NRBF2: variants seen among roughly 807,000 people sequenced by gnomAD.
The protein encoded by NRBF2 is nuclear receptor binding factor 2, also known as nuclear receptor-binding factor 2.
A neutral mutation model predicts 28.5 loss-of-function variants in NRBF2; 12 were observed. The ratio of observed to expected loss-of-function variants is 0.42; its 90% CI spans 0.27 to 0.68. The LOEUF is 0.68. NRBF2 is among the 30% of genes least tolerant of loss of function. The pLI, the probability that NRBF2 is intolerant of heterozygous loss-of-function variation, is 0.24. For missense variants in NRBF2, 274 were observed against 333.5 expected, an observed-to-expected ratio of 0.82 and a Z score of 1.39; for synonymous variants, 102 against 116.5, an observed-to-expected ratio of 0.88 and a Z score of 0.80.
intron 1 of NRBF2, among the ~76,000 whole-genome samples, chr10:63,137,850 A>G (rs990846308): frequency 6.6e-6 from 1 of 152,178 alleles, no homozygotes; most frequent in Non-Finnish European, 1.5e-5. Context: ...TAATGAAAGC[A>G]CTCTGGAAAA....
At chr10:63,137,715 T>C (rs534658359) in intron 1 of NRBF2, among the ~76,000 whole-genome samples, 10 of 152,212 alleles carry the variant, frequency 6.6e-5, no homozygotes, top group Non-Finnish European at 1.0e-4. Context: ...GGAGTCCTTA[T>C]ACCTATCCCA....
intron 1 of NRBF2, among the ~76,000 whole-genome samples, chr10:63,136,593 A>G (rs535170727): frequency 6.6e-6 from 1 of 152,314 alleles, no homozygotes; most frequent in South Asian, 2.1e-4. Context: ...TTTACAGATA[A>G]ATAAGCCTAA....
intron 1 of NRBF2, among the ~76,000 whole-genome samples, chr10:63,143,071 G>C (rs1189096538): frequency 2.0e-5 from 3 of 151,960 alleles, no homozygotes; most frequent in African/African-American, 7.3e-5. Context: ...ATGAGCCACT[G>C]CGCCCAGCCT....
At chr10:63,140,551 C>G (rs961150589) in intron 1 of NRBF2, among the ~76,000 whole-genome samples, 5 of 151,960 alleles carry the variant, frequency 3.3e-5, no homozygotes, top group African/African-American at 1.2e-4. Context: ...GTAGCTGGGA[C>G]TACAGGTGTG....
At chr10:63,145,183 T>C (rs1841539978) in intron 1 of NRBF2, among the ~76,000 whole-genome samples, 1 of 146,868 alleles carries the variant, frequency 6.8e-6, no homozygotes, top group Non-Finnish European at 1.5e-5. Flanking sequence ...TCTTGCCTCA[T>C]TGCAACCTCT....
rs781293012 is a variant in NRBF2 at position 63,142,780 on chromosome 10, C to CTTTTTTTTTTTTTTTT, written c.31-3424_31-3409dup. On this transcript the variant is annotated intron_variant, in intron 1 of 3. Coordinates refer to ENST00000277746, the MANE Select transcript of NRBF2 (RefSeq NM_030759.5). ...AGTCATTTCTTTTCTTTCTTTCTTT[C>CTTTTTTTTTTTTTTTT]TTTTTTTTTTTTTTTTTTTTGAGGC... 2.0e-3 allele frequency among the ~76,000 whole-genome samples: 149 copies of CTTTTTTTTTTTTTTTT among 74,922 alleles called. 15 individuals carry two copies. The highest frequency in any genetic ancestry group is 6.8e-3 in the African/African-American group (116 of 17,128). 49.2% of individuals were successfully genotyped at this position (74,922 alleles called of 152,430 possible). A position where few individuals can be genotyped will look rare whatever the true frequency, so the allele number is the denominator to read the frequency against.
chr10:63,138,797 T>C (rs1385848356), intron 1 of NRBF2, among the ~76,000 whole-genome samples: 4 of 152,126 alleles, frequency 2.6e-5, no homozygotes. Context: ...GCGCTTATCT[T>C]CAGTATAATT....
chr10:63,150,783 T>G (rs1214020130), intron 2 of NRBF2, among the ~76,000 whole-genome samples: 1 of 152,224 alleles, frequency 6.6e-6, no homozygotes, highest in African/African-American at 2.4e-5. Context: ...TTCCTGCAGC[T>G]AGACAGTCTC....
chr10:63,152,570 T>C (rs1841666997), intron 3 of NRBF2, among the ~76,000 whole-genome samples: 5 of 152,234 alleles, frequency 3.3e-5, no homozygotes, highest in Admixed American at 3.3e-4. Context: ...TCAAAGATAA[T>C]TTAAATCTGA....
At chr10:63,136,337 C>T (rs1374482215) in intron 1 of NRBF2, among the ~76,000 whole-genome samples, 2 of 152,094 alleles carry the variant, frequency 1.3e-5, no homozygotes, top group African/African-American at 2.4e-5. Flanking sequence ...GAACACCTAA[C>T]TTAGTATCTA....
intron 1 of NRBF2, among the ~76,000 whole-genome samples, chr10:63,134,085 T>C (rs1277391424): frequency 6.6e-6 from 1 of 150,552 alleles, no homozygotes; most frequent in Non-Finnish European, 1.5e-5. Flanking sequence ...TCCAAATATA[T>C]TAGAGACAGC....
chr10:63,140,835 G>C (rs1841453401), intron 1 of NRBF2, among the ~76,000 whole-genome samples: 1 of 152,038 alleles, frequency 6.6e-6, no homozygotes, highest in African/African-American at 2.4e-5. Context: ...CGAGTAGCTG[G>C]GACTACAGGT....
chr10:63,134,347 G>T (rs1040270689), intron 1 of NRBF2, among the ~76,000 whole-genome samples: 1 of 152,220 alleles, frequency 6.6e-6, no homozygotes, highest in African/African-American at 2.4e-5. Flanking sequence ...GGATGTAAAA[G>T]TCAGATTACT....
intron 2 of NRBF2, 67 bp downstream of exon 2, chr10:63,146,360 T>C: frequency 1.8e-6 from 2 of 1,117,454 alleles, no homozygotes; most frequent in Non-Finnish European, 2.6e-6. Context: ...TAATAATGTG[T>C]GTTGCTTTTC....
At chr10:63,142,071 CAG>C (rs1841478404) in intron 1 of NRBF2, among the ~76,000 whole-genome samples, 1 of 152,224 alleles carries the variant, frequency 6.6e-6, no homozygotes, top group South Asian at 2.1e-4. Flanking sequence ...TCCGTCATCA[CAG>C]AGTTTGAAGT....
chr10:63,142,134 C>T (rs1564529621), intron 1 of NRBF2, among the ~76,000 whole-genome samples: 1 of 152,110 alleles, frequency 6.6e-6, no homozygotes, highest in Admixed American at 6.6e-5. Flanking sequence ...TGATTGAAAT[C>T]ATCAGCGACA....
chr10:63,143,750 T>A (rs61853338), intron 1 of NRBF2, among the ~76,000 whole-genome samples: 1 of 27,374 alleles, frequency 3.7e-5, no homozygotes, highest in South Asian at 1.1e-3. Context: ...CCATGCCCGA[T>A]TTTTTTTTTT....
intron 1 of NRBF2, among the ~76,000 whole-genome samples, chr10:63,139,640 C>T (rs1234793238): frequency 1.3e-5 from 2 of 152,166 alleles, no homozygotes; most frequent in South Asian, 2.1e-4. Flanking sequence ...CCGTATAGAG[C>T]CTGTCAGTCC....
intron 1 of NRBF2, among the ~76,000 whole-genome samples, chr10:63,135,740 T>G (rs1841365742): frequency 6.6e-6 from 1 of 150,550 alleles, no homozygotes; most frequent in African/African-American, 2.4e-5. Flanking sequence ...TCCGACTCCC[T>G]GGTTTAAGCG....
Sources: gnomAD v4.1 joint callset for allele counts (sites outside exome capture counted in the v4.1 genomes callset) on GRCh38, gnomAD v4.1.1 for gene constraint, MANE v1.5 for transcripts, NCBI Gene and HGNC (gene_info 2026-07-23, HGNC 2026-07-21) for gene names.